The following KALRN variants were observed in gnomAD, a reference collection of about 807,000 sequenced individuals.
KALRN encodes the protein kalirin.
KALRN carries 70 observed loss-of-function variants against 353.7 expected under a neutral mutation model. The ratio of observed to expected loss-of-function variants is 0.20; its 90% CI spans 0.16 to 0.24. The LOEUF is 0.24. KALRN is among the 10% of genes least tolerant of loss of function. The pLI, the probability that KALRN is intolerant of heterozygous loss-of-function variation, is 1.00. For missense variants in KALRN, 2,791 were observed against 3,756.7 expected (o/e 0.74, Z 6.72); for synonymous variants, 1,391 against 1,434.8 (o/e 0.97, Z 0.69).
intron 1 of KALRN, among the ~76,000 whole-genome samples, chr3:124,061,276 G>A (rs1435068156): frequency 1.3e-5 from 2 of 152,204 alleles, no homozygotes; most frequent in African/African-American, 4.8e-5. Context: ...TTCCCACCAT[G>A]TGTCAGGCTT....
intron 37 of KALRN, among the ~76,000 whole-genome samples, chr3:124,643,037 G>C (rs2082278847): frequency 1.3e-5 from 2 of 151,884 alleles, no homozygotes; most frequent in South Asian, 4.2e-4. Flanking sequence ...GGCTGGTCTT[G>C]AACTCTCAAC....
At chr3:124,658,060 C>T (rs997642947) in intron 41 of KALRN, among the ~76,000 whole-genome samples, 4 of 152,248 alleles carry the variant, frequency 2.6e-5, no homozygotes, top group African/African-American at 9.6e-5. Flanking sequence ...GGGGCGGAGG[C>T]AGGAGGATCG....
chr3:124,283,192 C>G (rs2075520654), intron 5 of KALRN, among the ~76,000 whole-genome samples: 2 of 152,318 alleles, frequency 1.3e-5, no homozygotes, highest in East Asian at 1.9e-4. Flanking sequence ...AACAGACACT[C>G]CATTTTTGCA....
rs757778781 is a variant in KALRN at position 124,717,279 on chromosome 3, T to C, written c.8309T>C (p.Met2770Thr). Residue 2770 changes from methionine to threonine, a missense_variant, in exon 59 of 60, where the codon ATG becomes ACG. Coordinates refer to ENST00000682506, the MANE Select transcript of KALRN (RefSeq NM_001388419.1). ...MDDGRLLDYL[M>T]NHDELMEEKV... The stretch of plus-strand genomic sequence containing the variant: ...GATGGCCGGCTCTTAGACTACCTTA[T>C]GAATCATGATGAACTGATGGAGGAA... 6.2e-7 allele frequency: 1 copy of C among 1,612,454 alleles called. No individual in the cohort carries two copies. The highest frequency in any genetic ancestry group is 2.2e-5 in the East Asian group (1 of 44,850).
intron 1 of KALRN, among the ~76,000 whole-genome samples, chr3:124,048,057 T>A (rs891690078): frequency 5.9e-5 from 9 of 152,174 alleles, no homozygotes; most frequent in Non-Finnish European, 1.0e-4. Context: ...GGGGGTAGAC[T>A]TTTTCCAAAA....
At chr3:124,689,801 A>G (rs1298432885) in intron 51 of KALRN, among the ~76,000 whole-genome samples, 1 of 152,216 alleles carries the variant, frequency 6.6e-6, no homozygotes, top group Non-Finnish European at 1.5e-5. Context: ...ATAGCAAAAA[A>G]AATTTATGAC....
intron 1 of KALRN, among the ~76,000 whole-genome samples, chr3:124,048,099 A>T (rs2040678026): frequency 6.6e-6 from 1 of 152,228 alleles, no homozygotes; most frequent in Admixed American, 6.5e-5. Flanking sequence ...ACTTTAAGGT[A>T]TGATACATTC....
intron 3 of KALRN, among the ~76,000 whole-genome samples, chr3:124,257,865 A>C (rs1290741986): frequency 6.6e-6 from 1 of 152,194 alleles, no homozygotes; most frequent in Non-Finnish European, 1.5e-5. Flanking sequence ...AGGATATAAA[A>C]GTCTGCTGCT....
chr3:124,298,367 G>A (rs75161794), intron 5 of KALRN, among the ~76,000 whole-genome samples: 1 of 152,130 alleles, frequency 6.6e-6, no homozygotes, highest in Non-Finnish European at 1.5e-5. Context: ...GTGTATAAGG[G>A]GGGCAGAGGC....
At chr3:124,055,384 A>G (rs1473405613) in intron 1 of KALRN, among the ~76,000 whole-genome samples, 1 of 152,156 alleles carries the variant, frequency 6.6e-6, no homozygotes, top group East Asian at 1.9e-4. Flanking sequence ...CGTCTCTTGA[A>G]TCCAAAAGGA....
chr3:124,246,346 T>C (rs1325511895), intron 3 of KALRN, among the ~76,000 whole-genome samples: 1 of 152,270 alleles, frequency 6.6e-6, no homozygotes, highest in African/African-American at 2.4e-5. Context: ...CAGGGCCTGC[T>C]CTGCAGGGCC....
intron 10 of KALRN, among the ~76,000 whole-genome samples, chr3:124,364,120 G>C (rs756693290): frequency 6.6e-6 from 1 of 152,154 alleles, no homozygotes; most frequent in African/African-American, 2.4e-5. Flanking sequence ...AAGCCAGCTT[G>C]TTCTTGTTTC....
intron 37 of KALRN, among the ~76,000 whole-genome samples, chr3:124,648,502 A>G (rs1178959538): frequency 6.6e-6 from 1 of 152,248 alleles, no homozygotes; most frequent in Admixed American, 6.5e-5. Context: ...GGGAAGGGGT[A>G]GGAGCACAGA....
At chr3:124,283,927 G>A (rs1037194822) in intron 5 of KALRN, among the ~76,000 whole-genome samples, 6 of 152,170 alleles carry the variant, frequency 3.9e-5, no homozygotes, top group African/African-American at 1.4e-4. Context: ...CAGAGGAAGT[G>A]GAAAGAGACT....
At chr3:124,243,073 T>C (rs2080695510) in intron 3 of KALRN, among the ~76,000 whole-genome samples, 1 of 152,234 alleles carries the variant, frequency 6.6e-6, no homozygotes, top group Non-Finnish European at 1.5e-5. Context: ...ATCTTGTTCA[T>C]TTTCCTTGAG....
At chr3:124,389,438 G>A (rs939831893) in intron 11 of KALRN, among the ~76,000 whole-genome samples, 6 of 152,132 alleles carry the variant, frequency 3.9e-5, no homozygotes, top group African/African-American at 1.4e-4. Context: ...TAACCTCCAG[G>A]CTCATTTCTT....
At chr3:124,562,462 C>A (rs564438604) in intron 33 of KALRN, among the ~76,000 whole-genome samples, 3 of 151,908 alleles carry the variant, frequency 2.0e-5, no homozygotes, top group Non-Finnish European at 4.4e-5. Context: ...AGTAAAGGGG[C>A]ATATAGGGAA....
intron 33 of KALRN, among the ~76,000 whole-genome samples, chr3:124,508,856 A>G (rs946318281): frequency 6.6e-6 from 1 of 152,108 alleles, no homozygotes; most frequent in African/African-American, 2.4e-5. Flanking sequence ...GATCTGGTGG[A>G]TGTGTATTGA....
intron 1 of KALRN, among the ~76,000 whole-genome samples, chr3:124,111,555 A>G (rs948463966): frequency 2.0e-5 from 3 of 152,222 alleles, no homozygotes; most frequent in Admixed American, 6.5e-5. Context: ...GCCACTGGGT[A>G]GGCAACCAAC....
Sources: allele counts gnomAD v4.1 joint callset (sites outside exome capture counted in the v4.1 genomes callset), GRCh38; gene constraint gnomAD v4.1.1; transcripts MANE v1.5; gene names NCBI Gene and HGNC (gene_info 2026-07-23, HGNC 2026-07-21).